The following PTPRR variants were observed in gnomAD, a reference collection of about 807,000 sequenced individuals.
The protein encoded by PTPRR is receptor-type tyrosine-protein phosphatase R.
PTPRR carries 38 observed loss-of-function variants against 77.2 expected under a neutral mutation model. The ratio of observed to expected loss-of-function variants is 0.49; its 90% CI spans 0.38 to 0.65. The LOEUF is 0.65. Among genes scored for constraint, PTPRR ranks in the 30% least tolerant of loss-of-function variants. PTPRR has a pLI of 0.00. For missense variants in PTPRR, 744 were observed against 799.2 expected, an observed-to-expected ratio of 0.93 and a Z score of 0.83; for synonymous variants, 299 against 283.1, an observed-to-expected ratio of 1.06 and a Z score of -0.57.
At chr12:70,717,916 T>C (rs1430641734) in intron 6 of PTPRR, among the ~76,000 whole-genome samples, 1 of 152,230 alleles carries the variant, frequency 6.6e-6, no homozygotes, top group Non-Finnish European at 1.5e-5. Flanking sequence ...TTTTATTACA[T>C]ATTAAACAAT....
chr12:70,789,461 G>A (rs2137008238), intron 2 of PTPRR, among the ~76,000 whole-genome samples: 1 of 152,064 alleles, frequency 6.6e-6, no homozygotes, highest in South Asian at 2.1e-4. Context: ...AAATTAAAGT[G>A]ACTCAATCAG....
chr12:70,730,921 GGAGA>G (rs752083558), intron 6 of PTPRR, among the ~76,000 whole-genome samples: 2 of 148,738 alleles, frequency 1.3e-5, no homozygotes, highest in East Asian at 4.0e-4. Flanking sequence ...AGAGAATGAA[GGAGA>G]GAGAGAGACA....
At chr12:70,768,322 G>A (rs1314019289) in intron 2 of PTPRR, among the ~76,000 whole-genome samples, 2 of 152,078 alleles carry the variant, frequency 1.3e-5, no homozygotes, top group African/African-American at 4.8e-5. Context: ...AATGATAAAG[G>A]GGATATCACC....
At chr12:70,766,884 T>G (rs571057966) in intron 2 of PTPRR, among the ~76,000 whole-genome samples, 1 of 152,264 alleles carries the variant, frequency 6.6e-6, no homozygotes, top group East Asian at 1.9e-4. Flanking sequence ...AAAAGAATTT[T>G]CAACCCGGAA....
chr12:70,899,924 A>C (rs1893502138), intron 1 of PTPRR, among the ~76,000 whole-genome samples: 1 of 151,550 alleles, frequency 6.6e-6, no homozygotes, highest in East Asian at 1.9e-4. Context: ...AGTAAAAAAA[A>C]CAAACTGACC....
chr12:70,733,354 A>G (rs1889728971), intron 6 of PTPRR, among the ~76,000 whole-genome samples: 1 of 150,840 alleles, frequency 6.6e-6, no homozygotes, highest in South Asian at 2.1e-4. Flanking sequence ...TTTCTAAGGT[A>G]TATACCAAAA....
At chr12:70,698,659 G>A (rs988239065) in intron 7 of PTPRR, among the ~76,000 whole-genome samples, 1 of 152,120 alleles carries the variant, frequency 6.6e-6, no homozygotes, top group Admixed American at 6.6e-5. Context: ...TTAGACAGAT[G>A]CTAAAAAGTG....
rs550649677 is a variant in PTPRR at position 70,859,482 on chromosome 12, T to C, written c.357+33197A>G. Among the ~76,000 whole-genome samples the C allele has an allele frequency of 9.2e-5, 14 of 152,044 alleles. No homozygotes were observed. The East Asian group carries it at 2.7e-3, about 29-fold the overall frequency. On this transcript the variant is annotated intron_variant, in intron 2 of 13. Coordinates refer to ENST00000283228, the MANE Select transcript of PTPRR (RefSeq NM_002849.4). ...GCACGTTTATGTACTGAGAGAAAAA[T>C]GCTAATGAAGAAGGTTGAAGATTCT...
chr12:70,729,338 A>G (rs184827080), intron 6 of PTPRR, among the ~76,000 whole-genome samples: 2 of 12,914 alleles, frequency 1.5e-4, no homozygotes, highest in Admixed American at 1.8e-3. Context: ...CTATCTATCT[A>G]TCTATCTATC....
At chr12:70,728,296 ATCTCTC>A (rs374669141) in intron 6 of PTPRR, among the ~76,000 whole-genome samples, 1 of 121,416 alleles carries the variant, frequency 8.2e-6, no homozygotes, top group Non-Finnish European at 1.6e-5. Flanking sequence ...CCCTTCTCTG[ATCTCTC>A]TCTCTCTCTC....
intron 2 of PTPRR, among the ~76,000 whole-genome samples, chr12:70,822,991 C>T (rs1362453901): frequency 6.6e-6 from 1 of 151,832 alleles, no homozygotes. Flanking sequence ...TCAAGTGAAA[C>T]CAAACATTTT....
At chr12:70,814,374 A>C (rs1592772247) in intron 2 of PTPRR, among the ~76,000 whole-genome samples, 1 of 152,148 alleles carries the variant, frequency 6.6e-6, no homozygotes, top group African/African-American at 2.4e-5. Flanking sequence ...TTCTCTGCCC[A>C]GTGACACCTA....
chr12:70,766,114 C>T lies in PTPRR; in HGVS notation c.358-1336G>A, dbSNP rs1163335632. Among the ~76,000 whole-genome samples the T allele has an allele frequency of 7.9e-5, 12 of 152,310 alleles. No homozygotes were observed. The East Asian group carries it at 1.9e-3, about 25-fold the overall frequency. On this transcript the variant is annotated intron_variant, in intron 2 of 13. Transcript: ENST00000283228. ...CTCTAAAAAGCAGAGCGCCTCTCCTCCTCCAAAGGAACACAGCTCCTCACC... is the reference window on the plus strand; with the variant it reads ...CTCTAAAAAGCAGAGCGCCTCTCCTTCTCCAAAGGAACACAGCTCCTCACC...
rs138260580 is a variant in PTPRR at position 70,840,476 on chromosome 12, C to T, written c.357+52203G>A. Among the ~76,000 whole-genome samples the T allele has an allele frequency of 1.9e-4, 29 of 152,238 alleles. No individual in the cohort carries two copies. The East Asian group carries it at 5.6e-3, about 29-fold the overall frequency. On this transcript the variant is annotated intron_variant, in intron 2 of 13. Coordinates refer to ENST00000283228, the MANE Select transcript of PTPRR (RefSeq NM_002849.4). Reference sequence around the variant, plus strand: ...ATGTAAAGCAACACATTCGCAGTTCCCAGGAACTAGGATGTGGACATCTTT... The same window carrying T: ...ATGTAAAGCAACACATTCGCAGTTCTCAGGAACTAGGATGTGGACATCTTT...
chr12:70,827,528 TTTTCTTTCTTTC>T (rs143441415), intron 2 of PTPRR, among the ~76,000 whole-genome samples: 1 of 149,524 alleles, frequency 6.7e-6, no homozygotes, highest in African/African-American at 2.5e-5. Flanking sequence ...ATCTTTTCTT[TTTTCTTTCTTTC>T]TTTCTTTCTT....
intron 6 of PTPRR, among the ~76,000 whole-genome samples, chr12:70,726,290 T>C (rs1392523455): frequency 6.6e-6 from 1 of 152,090 alleles, no homozygotes; most frequent in African/African-American, 2.4e-5. Flanking sequence ...GGTAGAAATT[T>C]AAGGCCCTAG....
At chr12:70,675,162 GGT>G (rs1887396510) in intron 10 of PTPRR, among the ~76,000 whole-genome samples, 1 of 151,728 alleles carries the variant, frequency 6.6e-6, no homozygotes, top group African/African-American at 2.4e-5. Flanking sequence ...GTATTAGTTT[GGT>G]GTATTTTTTT....
At chr12:70,858,789 G>A (rs1415016971) in intron 2 of PTPRR, among the ~76,000 whole-genome samples, 1 of 151,960 alleles carries the variant, frequency 6.6e-6, no homozygotes, top group South Asian at 2.1e-4. Flanking sequence ...TTGCTGGAGA[G>A]AATATTTAAA....
chr12:70,639,461 G>A lies in PTPRR; in HGVS notation c.1881-184C>T, dbSNP rs1885916706. The A allele has an allele frequency of 2.9e-6, 4 of 1,382,844 alleles. No homozygotes were observed. The South Asian group carries it at 6.1e-5, about 21-fold the overall frequency. The allele number at this position is 1,382,844 out of a possible 1,614,324, so 85.7% of individuals were successfully genotyped here. On this transcript the variant is annotated intron_variant, in intron 13 of 13. Coordinates refer to ENST00000283228, the MANE Select transcript of PTPRR (RefSeq NM_002849.4). Reference sequence around the variant, plus strand: ...CAACTATCAAAGTTAACATGGTAATGTATATAAAGGGCTTAACACAGTTCC... The same window carrying A: ...CAACTATCAAAGTTAACATGGTAATATATATAAAGGGCTTAACACAGTTCC...
Sources: allele counts gnomAD v4.1 joint callset (sites outside exome capture counted in the v4.1 genomes callset), GRCh38; gene constraint gnomAD v4.1.1; transcripts MANE v1.5; gene names NCBI Gene and HGNC (gene_info 2026-07-23, HGNC 2026-07-21).